IPCEF1: variants seen among roughly 807,000 people sequenced by gnomAD.
IPCEF1 encodes interactor protein for cytohesin exchange factors 1.
Under a neutral mutation model 50.9 loss-of-function variants are expected in IPCEF1, and 31 were observed. That is an observed-to-expected ratio of 0.61 (90% CI 0.46 to 0.82). IPCEF1 has a LOEUF of 0.82. IPCEF1 is among the 40% of genes least tolerant of loss of function. The pLI is 0.00. For synonymous variants in IPCEF1, 181 were observed against 192.0 expected, an observed-to-expected ratio of 0.94 and a Z score of 0.47; for missense variants, 458 against 514.0, an observed-to-expected ratio of 0.89 and a Z score of 1.05.
rs1345259490 is a variant in IPCEF1 at position 154,168,445 on chromosome 6, C to T, written c.911-332G>A. On this transcript the variant is annotated intron_variant, in intron 10 of 11. Coordinates refer to ENST00000367220, the MANE Select transcript of IPCEF1 (RefSeq NM_001130700.2). The surrounding 1 kb of genome is among the most constrained non-coding windows in gnomAD (Gnocchi z 4.1). The stretch of plus-strand genomic sequence containing the variant: ...GCATGTCTCTGTGTCCAAACTCCCC[C>T]TATTTATGAGGGTATCAGTCATGTT... 6.6e-6 allele frequency among the ~76,000 whole-genome samples: 1 copy of T among 152,140 alleles called. No individual in the cohort carries two copies.
At chr6:154,255,364 T>C (rs542699141) in intron 3 of IPCEF1, among the ~76,000 whole-genome samples, 1 of 152,336 alleles carries the variant, frequency 6.6e-6, no homozygotes, top group South Asian at 2.1e-4. Flanking sequence ...ACTATTTTGA[T>C]CATTGGTCTT....
chr6:154,192,178 T>C (rs1801948298), intron 10 of IPCEF1, among the ~76,000 whole-genome samples: 1 of 152,180 alleles, frequency 6.6e-6, no homozygotes, highest in Non-Finnish European at 1.5e-5. Context: ...CTTTACTAGA[T>C]GATGACAAAT....
At chr6:154,200,629 G>A (rs926351379) in intron 9 of IPCEF1, among the ~76,000 whole-genome samples, 2 of 152,092 alleles carry the variant, frequency 1.3e-5, no homozygotes, top group African/African-American at 2.4e-5. Flanking sequence ...ACTGAGGCAG[G>A]AGAATCACTT....
intron 1 of IPCEF1, among the ~76,000 whole-genome samples, chr6:154,300,141 T>C (rs1446782239): frequency 1.4e-5 from 2 of 141,762 alleles, no homozygotes; most frequent in African/African-American, 5.0e-5. Context: ...TACAACTTCA[T>C]GAAAGCTGAA....
At chr6:154,330,613 C>G (rs1032441131) in intron 1 of IPCEF1, among the ~76,000 whole-genome samples, 1 of 152,076 alleles carries the variant, frequency 6.6e-6, no homozygotes, top group South Asian at 2.1e-4. Flanking sequence ...ATGACCTCCA[C>G]GTCTGGCCAG....
At chr6:154,285,751 AAC>A (rs1178789737) in intron 2 of IPCEF1, among the ~76,000 whole-genome samples, 2 of 152,200 alleles carry the variant, frequency 1.3e-5, no homozygotes, top group Non-Finnish European at 2.9e-5. Flanking sequence ...ACAAGTTTTT[AAC>A]ACAGAGTTTA....
chr6:154,228,400 G>GGT (rs1339408883), intron 5 of IPCEF1, among the ~76,000 whole-genome samples: 1 of 152,144 alleles, frequency 6.6e-6, no homozygotes, highest in Non-Finnish European at 1.5e-5. Context: ...TCCTGCCAGA[G>GGT]GTATCAAACC....
At chr6:154,287,183 CTCTCTT>C (rs1309282120) in intron 2 of IPCEF1, among the ~76,000 whole-genome samples, 4 of 143,552 alleles carry the variant, frequency 2.8e-5, no homozygotes, top group African/African-American at 7.5e-5. Flanking sequence ...CTCTCTCTCT[CTCTCTT>C]GCTCTGCTAT....
In IPCEF1 at chr6:154,156,783, G is replaced by A. The variant is rs908844942; in HGVS notation, c.*3045C>T. ...ACGCCCTTGCAATGCAGGGCTCAGAGTGTCTATTTGCAATATATCAACCAG... is the reference window on the plus strand; with the variant it reads ...ACGCCCTTGCAATGCAGGGCTCAGAATGTCTATTTGCAATATATCAACCAG... On this transcript the variant is annotated 3_prime_UTR_variant, in exon 12 of 12. Transcript: ENST00000367220. 5.9e-5 allele frequency: 9 copies of A among 152,186 alleles called. No homozygotes were observed. The highest frequency in any genetic ancestry group is 2.2e-4 in the African/African-American group (9 of 41,442). 9.4% of individuals were successfully genotyped at this position (152,186 alleles called of 1,614,324 possible).
chr6:154,317,547 T>A (rs1783253015), intron 1 of IPCEF1, among the ~76,000 whole-genome samples: 2 of 13,424 alleles, frequency 1.5e-4, no homozygotes, highest in Non-Finnish European at 2.5e-4. Context: ...AGACTCCATC[T>A]CAAAAAAAAA....
chr6:154,317,206 A>G (rs1295385110), intron 1 of IPCEF1, among the ~76,000 whole-genome samples: 1 of 152,202 alleles, frequency 6.6e-6, no homozygotes, highest in East Asian at 1.9e-4. Context: ...CCTAGAATAC[A>G]TAAAGAATTC....
chr6:154,230,461 A>G (rs1779630423), intron 5 of IPCEF1, among the ~76,000 whole-genome samples: 1 of 152,250 alleles, frequency 6.6e-6, no homozygotes, highest in Non-Finnish European at 1.5e-5. Flanking sequence ...ATAAGTGTTC[A>G]TTGCCATGAT....
chr6:154,170,102 T>C (rs1344919800), intron 10 of IPCEF1, among the ~76,000 whole-genome samples: 2 of 152,200 alleles, frequency 1.3e-5, no homozygotes, highest in South Asian at 4.1e-4. Flanking sequence ...CCTCAAATGA[T>C]ACAGAGGTTA....
intron 10 of IPCEF1, among the ~76,000 whole-genome samples, chr6:154,190,025 A>C (rs535537087): frequency 6.6e-6 from 1 of 152,304 alleles, no homozygotes; most frequent in Admixed American, 6.5e-5. Flanking sequence ...ATTAAATAAA[A>C]ATAAACTATA....
At chr6:154,303,691 G>A (rs1480391219) in intron 1 of IPCEF1, among the ~76,000 whole-genome samples, 2 of 152,186 alleles carry the variant, frequency 1.3e-5, no homozygotes, top group African/African-American at 4.8e-5. Flanking sequence ...AGAGACCAAG[G>A]CAGGAGGATT....
chr6:154,218,833 C>T (rs1361147668), intron 7 of IPCEF1, among the ~76,000 whole-genome samples: 1 of 152,194 alleles, frequency 6.6e-6, no homozygotes, highest in Non-Finnish European at 1.5e-5. Flanking sequence ...GATTCAAAAA[C>T]ATGGGGTCCA....
intron 7 of IPCEF1, among the ~76,000 whole-genome samples, chr6:154,217,782 T>C (rs790261): frequency 0.6 from 91,773 of 151,994 alleles, 28,319 homozygotes; most frequent in South Asian, 0.76. Context: ...TTATTCTCCC[T>C]CAAAAAAGCA....
intron 10 of IPCEF1, among the ~76,000 whole-genome samples, chr6:154,182,024 C>T (rs1800927773): frequency 6.6e-6 from 1 of 151,930 alleles, no homozygotes; most frequent in African/African-American, 2.4e-5. Flanking sequence ...TGCACATCTG[C>T]GCATGTATCC....
At chr6:154,164,016 A>T (rs1799233325) in intron 11 of IPCEF1, among the ~76,000 whole-genome samples, 1 of 152,216 alleles carries the variant, frequency 6.6e-6, no homozygotes. Flanking sequence ...ATGCTTCCAA[A>T]ACAACTTTTC....
Sources: gnomAD v4.1 joint callset for allele counts (sites outside exome capture counted in the v4.1 genomes callset) on GRCh38, gnomAD v4.1.1 for gene constraint, Gnocchi (gnomAD v3.1) non-coding constraint, MANE v1.5 for transcripts, NCBI Gene and HGNC (gene_info 2026-07-23, HGNC 2026-07-21) for gene names.